Variants in SH3BGRL2 observed in about 807,000 individuals in gnomAD.
SH3BGRL2 encodes SH3 domain-binding glutamic acid-rich-like protein 2.
Under a neutral mutation model 14.8 loss-of-function variants are expected in SH3BGRL2, and 21 were observed. The ratio of observed to expected loss-of-function variants is 1.42; its 90% CI spans 1.01 to 2.05. The LOEUF (loss-of-function observed/expected upper bound fraction) is 2.05. Among genes scored for constraint, SH3BGRL2 ranks in the 30% most tolerant of loss-of-function variants. The pLI is 0.00. For missense variants in SH3BGRL2, 147 were observed against 130.8 expected (o/e 1.12, Z -0.61); for synonymous variants, 50 against 47.8 (o/e 1.05, Z -0.19).
the SH3BGRL2 span, among the ~76,000 whole-genome samples, chr6:79,555,869 TTAAAA>T: frequency 1.3e-5 from 2 of 152,136 alleles, no homozygotes; most frequent in Admixed American, 6.5e-5. Flanking sequence ...TATCCAAATA[TTAAAA>T]TAATATAGTG....
chr6:79,539,647 T>A, the SH3BGRL2 span, among the ~76,000 whole-genome samples: 1 of 152,258 alleles, frequency 6.6e-6, no homozygotes, highest in East Asian at 1.9e-4. Flanking sequence ...TGTTATAATG[T>A]AACTAAAATA....
the SH3BGRL2 span, among the ~76,000 whole-genome samples, chr6:79,585,041 C>T: frequency 2.7e-5 from 3 of 110,162 alleles, no homozygotes; most frequent in African/African-American, 6.0e-5. Context: ...AAACAAAACC[C>T]ACCTTTTTTT....
chr6:79,668,545 G>T lies in SH3BGRL2; in HGVS notation c.46-5069G>T, dbSNP rs948665175. ...GGCTTATCCATTCAGTGGCCAACAA[G>T]GCTGCTTCAAAGCACATCTGAGGGA... On this transcript the variant is annotated intron_variant, in intron 1 of 3. Coordinates refer to ENST00000369838, the MANE Select transcript of SH3BGRL2 (RefSeq NM_031469.4). 5.3e-5 allele frequency among the ~76,000 whole-genome samples: 8 copies of T among 152,144 alleles called. No individual in the cohort carries two copies. In the East Asian group the frequency reaches 1.2e-3, roughly 22 times the overall value.
intron 2 of SH3BGRL2, among the ~76,000 whole-genome samples, chr6:79,679,152 G>A (rs188571277): frequency 6.6e-6 from 1 of 152,040 alleles, no homozygotes; most frequent in African/African-American, 2.4e-5. Flanking sequence ...GGGATTGCTG[G>A]GTTGAAAGAT....
At chr6:79,592,017 C>G in the SH3BGRL2 span, among the ~76,000 whole-genome samples, 1 of 152,100 alleles carries the variant, frequency 6.6e-6, no homozygotes, top group Non-Finnish European at 1.5e-5. Flanking sequence ...AAAGTGCTGC[C>G]TTTCAGAGAT....
the SH3BGRL2 span, among the ~76,000 whole-genome samples, chr6:79,585,947 G>C: frequency 6.6e-6 from 1 of 151,902 alleles, no homozygotes; most frequent in African/African-American, 2.4e-5. Flanking sequence ...TGTAATCCCA[G>C]CACTTTGGGA....
Position 79,702,623 on chromosome 6 carries a change from G to A in SH3BGRL2, c.*3114G>A, listed in dbSNP as rs1349539240. On this transcript the variant is annotated 3_prime_UTR_variant, in exon 4 of 4. Transcript: ENST00000369838. ...TTGCCTGTGAACCTCATGCATGAAA[G>A]CAGCACATTAAATTGTAAAAATACA... The A allele has an allele frequency of 6.6e-6, 1 of 152,202 alleles. No individual in the cohort carries two copies. 9.4% of individuals were successfully genotyped at this position (152,202 alleles called of 1,614,324 possible). A position where few individuals can be genotyped will look rare whatever the true frequency, so the allele number is the denominator to read the frequency against.
At chr6:79,565,808 C>G in the SH3BGRL2 span, among the ~76,000 whole-genome samples, 3 of 152,176 alleles carry the variant, frequency 2.0e-5, no homozygotes, top group Non-Finnish European at 4.4e-5. Flanking sequence ...TTCTCTACTT[C>G]TCCTCTCTAA....
the SH3BGRL2 span, among the ~76,000 whole-genome samples, chr6:79,563,572 G>A: frequency 6.6e-6 from 1 of 152,052 alleles, no homozygotes. Context: ...TCTCTTGCTG[G>A]TTTTGGAACT....
chr6:79,682,297 T>A (rs1320337988), intron 2 of SH3BGRL2, among the ~76,000 whole-genome samples: 1 of 152,084 alleles, frequency 6.6e-6, no homozygotes, highest in Non-Finnish European at 1.5e-5. Context: ...TTTTTAATTT[T>A]TATTTATTTA....
At chr6:79,542,782 A>T in the SH3BGRL2 span, among the ~76,000 whole-genome samples, 1 of 152,242 alleles carries the variant, frequency 6.6e-6, no homozygotes, top group Non-Finnish European at 1.5e-5. Flanking sequence ...CACTGAATAT[A>T]AATGAGTAGA....
rs936576137 is a variant in SH3BGRL2, at chr6:79,703,400, G to A, written c.*3891G>A. On this transcript the variant is annotated 3_prime_UTR_variant, in exon 4 of 4. Transcript: ENST00000369838. Reference sequence around the variant, plus strand: ...CATACATGCAATGGAATATAGATATGTATATACACATATAATATATATGCT... The same window carrying A: ...CATACATGCAATGGAATATAGATATATATATACACATATAATATATATGCT... 1 of 152,094 alleles carries A rather than the reference G, an allele frequency of 6.6e-6. No individual in the cohort carries two copies. The highest frequency in any genetic ancestry group is 1.5e-5 in the Non-Finnish European group (1 of 68,032). 9.4% of individuals were successfully genotyped at this position (152,094 alleles called of 1,614,324 possible).
the SH3BGRL2 span, among the ~76,000 whole-genome samples, chr6:79,557,425 A>T: frequency 3.9e-5 from 6 of 152,020 alleles, no homozygotes; most frequent in Admixed American, 1.3e-4. Context: ...ACTATGAAGA[A>T]GATGTTGAAT....
At chr6:79,642,005 A>G (rs1769042691) in intron 1 of SH3BGRL2, among the ~76,000 whole-genome samples, 1 of 152,184 alleles carries the variant, frequency 6.6e-6, no homozygotes. Flanking sequence ...GGTACATGGC[A>G]TGTTGTGCAC....
At chr6:79,564,028 A>G in the SH3BGRL2 span, among the ~76,000 whole-genome samples, 4 of 152,222 alleles carry the variant, frequency 2.6e-5, no homozygotes, top group Non-Finnish European at 5.9e-5. Flanking sequence ...GACTGGAAAA[A>G]TGTTGAGCAA....
At chr6:79,685,904 C>T (rs916675367) in intron 2 of SH3BGRL2, among the ~76,000 whole-genome samples, 6 of 152,038 alleles carry the variant, frequency 3.9e-5, no homozygotes, top group Non-Finnish European at 8.8e-5. Context: ...ATAACTTTTC[C>T]GTCTTGTATT....
the SH3BGRL2 span, among the ~76,000 whole-genome samples, chr6:79,559,587 A>G: frequency 6.6e-6 from 1 of 152,244 alleles, no homozygotes; most frequent in Admixed American, 6.5e-5. Context: ...TTCGTATTAG[A>G]CTAGATCCTT....
chr6:79,602,172 G>T, the SH3BGRL2 span, among the ~76,000 whole-genome samples: 18 of 152,154 alleles, frequency 1.2e-4, no homozygotes, highest in African/African-American at 3.6e-4. Context: ...GCCAAATTGT[G>T]TCTGAAATAC....
At chr6:79,592,534 A>G in the SH3BGRL2 span, among the ~76,000 whole-genome samples, 1 of 152,316 alleles carries the variant, frequency 6.6e-6, no homozygotes, top group East Asian at 1.9e-4. Flanking sequence ...TGAAGTATGA[A>G]TGGATATTAG....
Sources: allele counts gnomAD v4.1 joint callset (sites outside exome capture counted in the v4.1 genomes callset), GRCh38; gene constraint gnomAD v4.1.1; transcripts MANE v1.5; gene names NCBI Gene and HGNC (gene_info 2026-07-23, HGNC 2026-07-21).